CACNA1C: variants seen among roughly 807,000 people sequenced by gnomAD.
CACNA1C encodes calcium voltage-gated channel subunit alpha1 C, also known as voltage-dependent L-type calcium channel subunit alpha-1C.
In CACNA1C, 30 loss-of-function variants were observed where a neutral mutation model predicts 229.0. That is an observed-to-expected ratio of 0.13 (90% CI 0.10 to 0.18). The LOEUF (loss-of-function observed/expected upper bound fraction) is 0.18. Among genes scored for constraint, CACNA1C ranks in the 10% least tolerant of loss-of-function variants. The pLI is 1.00. For missense variants in CACNA1C, 1,658 were observed against 2,845.0 expected, an observed-to-expected ratio of 0.58 and a Z score of 9.49; for synonymous variants, 1,114 against 1,132.5, an observed-to-expected ratio of 0.98 and a Z score of 0.33.
At chr12:2,330,280 A>G (rs923126770) in intron 3 of CACNA1C, among the ~76,000 whole-genome samples, 2 of 152,202 alleles carry the variant, frequency 1.3e-5, no homozygotes, top group East Asian at 3.8e-4. Flanking sequence ...TAGGAAATGT[A>G]TCGGTGTGGG....
chr12:2,525,244 T>C (rs1283308285), intron 9 of CACNA1C, among the ~76,000 whole-genome samples: 1 of 151,994 alleles, frequency 6.6e-6, no homozygotes, highest in Non-Finnish European at 1.5e-5. Context: ...GACAATGGGC[T>C]GGAAGGAGAG....
chr12:1,982,864 T>G (rs1176601384), intron 1 of CACNA1C, among the ~76,000 whole-genome samples: 4 of 152,148 alleles, frequency 2.6e-5, no homozygotes, highest in Non-Finnish European at 4.4e-5. Context: ...ATTGGTATTA[T>G]TCCTCCCTTG....
chr12:2,481,204 A>C (rs1451510150), intron 5 of CACNA1C, among the ~76,000 whole-genome samples: 1 of 152,154 alleles, frequency 6.6e-6, no homozygotes, highest in Non-Finnish European at 1.5e-5. Flanking sequence ...AAAGCAAAAG[A>C]GGATGTGATC....
At chr12:2,294,768 G>T (rs565833504) in intron 3 of CACNA1C, among the ~76,000 whole-genome samples, 1 of 152,184 alleles carries the variant, frequency 6.6e-6, no homozygotes, top group Non-Finnish European at 1.5e-5. Context: ...GACTGCGGGC[G>T]CGTTGTTGGT....
chr12:2,021,974 A>G (rs2046543136), intron 1 of CACNA1C, among the ~76,000 whole-genome samples: 1 of 152,192 alleles, frequency 6.6e-6, no homozygotes, highest in Non-Finnish European at 1.5e-5. Flanking sequence ...GTCTTTGAAT[A>G]CATTTATTGT....
At chr12:2,391,076 T>A (rs1407864479) in intron 3 of CACNA1C, among the ~76,000 whole-genome samples, 1 of 152,120 alleles carries the variant, frequency 6.6e-6, no homozygotes, top group Non-Finnish European at 1.5e-5. Context: ...TAGGACGCAG[T>A]GACTGACGTG....
At chr12:2,576,168 T>TTTTAA (rs535018259) in intron 13 of CACNA1C, among the ~76,000 whole-genome samples, 275 of 152,310 alleles carry the variant, frequency 1.8e-3, no homozygotes, top group Middle Eastern at 3.4e-3. Flanking sequence ...TCAGATGTGC[T>TTTTAA]GTACTTTTAA....
rs143110796 is a variant in CACNA1C, at chr12:2,183,558, G to A, written c.477+63128G>A. On this transcript the variant is annotated intron_variant, in intron 3 of 46. Transcript: ENST00000399655. ...ATATATACCAACAAAAGTTGTCTGC[G>A]TCTTTTTCTGGGGACAGACCCCCCC... 9.1e-3 allele frequency among the ~76,000 whole-genome samples: 1,378 copies of A among 151,060 alleles called. 8 individuals are homozygous for A. Among genetic ancestry groups the A allele is most frequent in the Non-Finnish European group, 0.015 (1,046 of 68,020 alleles).
intron 3 of CACNA1C, among the ~76,000 whole-genome samples, chr12:2,253,592 A>G (rs980850590): frequency 5.3e-5 from 8 of 152,230 alleles, no homozygotes; most frequent in African/African-American, 1.9e-4. Context: ...CTGCTGTGGA[A>G]ATGCTATTCT....
intron 3 of CACNA1C, among the ~76,000 whole-genome samples, chr12:2,412,078 C>A (rs1021789316): frequency 1.4e-4 from 22 of 151,944 alleles, no homozygotes; most frequent in African/African-American, 4.4e-4. Context: ...CCCCCCCATG[C>A]CCACCTGCCA....
At chr12:2,594,010 A>AT (rs1283354413) in intron 19 of CACNA1C, among the ~76,000 whole-genome samples, 11 of 152,184 alleles carry the variant, frequency 7.2e-5, no homozygotes, top group Non-Finnish European at 1.6e-4. Flanking sequence ...TAGACAGACA[A>AT]TTTTTGTCCT....
chr12:2,418,448 G>A (rs958496129), intron 3 of CACNA1C, among the ~76,000 whole-genome samples: 7 of 152,196 alleles, frequency 4.6e-5, no homozygotes, highest in Non-Finnish European at 8.8e-5. Flanking sequence ...CGGGCCTGAC[G>A]AGGGCAGGGG....
chr12:2,656,593 A>G (rs1569091413), intron 34 of CACNA1C, among the ~76,000 whole-genome samples: 1 of 152,266 alleles, frequency 6.6e-6, no homozygotes. Context: ...TAAAATTCAT[A>G]TGGAACCACA....
intron 13 of CACNA1C, among the ~76,000 whole-genome samples, chr12:2,568,151 A>G (rs2052274309): frequency 6.6e-6 from 1 of 152,144 alleles, no homozygotes; most frequent in Non-Finnish European, 1.5e-5. Flanking sequence ...CCAGGGTCAT[A>G]AGATGACTTC....
At chr12:2,052,258 G>A (rs1010546216), upstream of CACNA1C, among the ~76,000 whole-genome samples, 9 of 152,170 alleles carry the variant, frequency 5.9e-5, no homozygotes, top group Non-Finnish European at 1.0e-4. Context: ...AATCTGTTCA[G>A]ACATCTGGGC....
chr12:2,486,040 A>T lies in CACNA1C; in HGVS notation c.758-64A>T. Reference sequence around the variant, plus strand: ...CCTTGCAGAGTTGCTGGAAGATTGCATGAGATGGCGTCAGCACGGTACCGC... The same window carrying T: ...CCTTGCAGAGTTGCTGGAAGATTGCTTGAGATGGCGTCAGCACGGTACCGC... On this transcript the variant is annotated intron_variant, in intron 5 of 46. Coordinates refer to ENST00000399655, the MANE Select transcript of CACNA1C (RefSeq NM_000719.7). This position sits in a 1 kb window ranked among gnomAD's most constrained non-coding sequence, Gnocchi z 4.9. The T allele has an allele frequency of 7.4e-7, 1 of 1,346,478 alleles. No individual in the cohort carries two copies. Among genetic ancestry groups the T allele is most frequent in the Non-Finnish European group, 1.0e-6 (1 of 999,006 alleles). 83.4% of individuals were successfully genotyped at this position (1,346,478 alleles called of 1,614,324 possible).
Position 2,597,146 on chromosome 12 carries a change from G to T in CACNA1C, c.2794-84G>T, listed in dbSNP as rs2068697583. 5 of 851,370 alleles carry T rather than the reference G, an allele frequency of 5.9e-6. No individual in the cohort carries two copies. The highest frequency in any genetic ancestry group is 7.9e-6 in the Non-Finnish European group (4 of 507,756). 52.7% of individuals were successfully genotyped at this position (851,370 alleles called of 1,614,324 possible). A position where few individuals can be genotyped will look rare whatever the true frequency, so the allele number is the denominator to read the frequency against. Reference sequence around the variant, plus strand: ...CATTTTGAAGTGTGGCCCCTTTTCTGGTGAACATCCACTGACCTCTCTTCC... The same window carrying T: ...CATTTTGAAGTGTGGCCCCTTTTCTTGTGAACATCCACTGACCTCTCTTCC... On this transcript the variant is annotated intron_variant, in intron 20 of 46. Transcript: ENST00000399655. This position sits in a 1 kb window ranked among gnomAD's most constrained non-coding sequence, Gnocchi z 4.3.
chr12:2,196,401 T>C (rs886755491), intron 3 of CACNA1C, among the ~76,000 whole-genome samples: 10 of 152,252 alleles, frequency 6.6e-5, no homozygotes, highest in African/African-American at 2.4e-4. Context: ...AAAGCCCAAA[T>C]GAGGCCTGAT....
chr12:2,575,032 G>A lies in CACNA1C; in HGVS notation c.1896-6558G>A, dbSNP rs1298648764. ...CACTGAGTAGCCCCGTGGCCCAGAA[G>A]CTCAGAGAAGCATGCTGCTAAGGCC... On this transcript the variant is annotated intron_variant, in intron 13 of 46. Coordinates refer to ENST00000399655, the MANE Select transcript of CACNA1C (RefSeq NM_000719.7). This position sits in a 1 kb window ranked among gnomAD's most constrained non-coding sequence, Gnocchi z 4.0. 6.6e-6 allele frequency among the ~76,000 whole-genome samples: 1 copy of A among 152,208 alleles called. No homozygotes were observed. Among genetic ancestry groups the A allele is most frequent in the African/African-American group, 2.4e-5 (1 of 41,442 alleles).
Sources: gnomAD v4.1 joint callset for allele counts (sites outside exome capture counted in the v4.1 genomes callset) on GRCh38, gnomAD v4.1.1 for gene constraint, Gnocchi (gnomAD v3.1) non-coding constraint, MANE v1.5 for transcripts, NCBI Gene and HGNC (gene_info 2026-07-23, HGNC 2026-07-21) for gene names.